MAML2: variants seen among roughly 807,000 people sequenced by gnomAD.
MAML2 encodes mastermind like transcriptional coactivator 2, also known as mastermind-like protein 2.
In MAML2, 22 loss-of-function variants were observed where a neutral mutation model predicts 96.1. That is an observed-to-expected ratio of 0.23 (90% CI 0.16 to 0.33). The LOEUF (loss-of-function observed/expected upper bound fraction) is 0.33. Ranked by LOEUF, MAML2 falls within the 10% of genes least tolerant of loss-of-function variation. The pLI is 1.00. For missense variants in MAML2, 1,367 were observed against 1,392.4 expected, an observed-to-expected ratio of 0.98 and a Z score of 0.29; for synonymous variants, 561 against 521.3, an observed-to-expected ratio of 1.08 and a Z score of -1.04.
chr11:96,193,333 C>T (rs1861683096), intron 1 of MAML2, among the ~76,000 whole-genome samples: 1 of 152,162 alleles, frequency 6.6e-6, no homozygotes, highest in Non-Finnish European at 1.5e-5. Flanking sequence ...CATGCCATTG[C>T]ACTCCAGCCT....
At chr11:96,321,488 CCTTT>C (rs1192598182) in intron 1 of MAML2, among the ~76,000 whole-genome samples, 3 of 152,196 alleles carry the variant, frequency 2.0e-5, no homozygotes, top group African/African-American at 7.2e-5. Flanking sequence ...GATATTCCTT[CCTTT>C]ATCATATTTC....
At chr11:96,221,465 C>T (rs1164241437) in intron 1 of MAML2, among the ~76,000 whole-genome samples, 1 of 152,142 alleles carries the variant, frequency 6.6e-6, no homozygotes, top group Non-Finnish European at 1.5e-5. Flanking sequence ...AACAGTGTAA[C>T]ACTGTGGAGG....
intron 1 of MAML2, among the ~76,000 whole-genome samples, chr11:96,212,643 C>T (rs1383979555): frequency 6.6e-6 from 1 of 152,134 alleles, no homozygotes; most frequent in Non-Finnish European, 1.5e-5. Context: ...CTTTCACAAT[C>T]TCTAGTAGAA....
At chr11:96,221,822 G>T (rs192532632) in intron 1 of MAML2, among the ~76,000 whole-genome samples, 1 of 151,532 alleles carries the variant, frequency 6.6e-6, no homozygotes, top group Non-Finnish European at 1.5e-5. Flanking sequence ...TGGCAGATGT[G>T]AGCAGAAGAA....
chr11:96,238,326 G>A (rs564836055), intron 1 of MAML2, among the ~76,000 whole-genome samples: 1 of 152,170 alleles, frequency 6.6e-6, no homozygotes, highest in Non-Finnish European at 1.5e-5. Flanking sequence ...ACTGAGCCAA[G>A]GTGTATCTGT....
rs191477070 is a variant in MAML2, at chr11:96,266,313, G to A, written c.513+75070C>T. On this transcript the variant is annotated intron_variant, in intron 1 of 4. Coordinates refer to ENST00000524717, the MANE Select transcript of MAML2 (RefSeq NM_032427.4). The stretch of plus-strand genomic sequence containing the variant: ...TGGCCAGGCGTGGTGGCTCACACCT[G>A]TAATCCCAGCACTTCGGGAGGTCGA... 5.9e-5 allele frequency among the ~76,000 whole-genome samples: 9 copies of A among 152,270 alleles called. No homozygotes were observed. The East Asian group carries it at 1.7e-3, about 29-fold the overall frequency.
intron 1 of MAML2, among the ~76,000 whole-genome samples, chr11:96,269,168 A>T (rs1338933166): frequency 6.9e-6 from 1 of 144,694 alleles, no homozygotes; most frequent in Non-Finnish European, 1.5e-5. Context: ...GTTGCCTGTT[A>T]TTGAAGATGA....
Position 96,155,535 on chromosome 11 carries a change from T to C in MAML2, c.514-62018A>G, listed in dbSNP as rs1267197056. Among the ~76,000 whole-genome samples, 7 of 91,338 alleles carry C rather than the reference T, an allele frequency of 7.7e-5. 1 individual carries two copies. The highest frequency in any genetic ancestry group is 9.3e-4 in the East Asian group (2 of 2,150). The allele number at this position is 91,338 out of a possible 152,430, so 59.9% of individuals were successfully genotyped here. A position where few individuals can be genotyped will look rare whatever the true frequency, so the allele number is the denominator to read the frequency against. ...ATATATATATATATATATATATATA[T>C]ATATATATATATATATGAGGAAAGT... On this transcript the variant is annotated intron_variant, in intron 1 of 4. Coordinates refer to ENST00000524717, the MANE Select transcript of MAML2 (RefSeq NM_032427.4).
At chr11:96,183,400 C>CG (rs914516375) in intron 1 of MAML2, among the ~76,000 whole-genome samples, 2 of 62,062 alleles carry the variant, frequency 3.2e-5, no homozygotes, top group African/African-American at 6.6e-5. Context: ...TCCTCCCCCC[C>CG]CCCCCTTTCT....
At chr11:96,300,750 G>T (rs1220308660) in intron 1 of MAML2, among the ~76,000 whole-genome samples, 1 of 152,316 alleles carries the variant, frequency 6.6e-6, no homozygotes, top group South Asian at 2.1e-4. Context: ...CCTCAGGGAG[G>T]ATTCATGAAC....
intron 1 of MAML2, among the ~76,000 whole-genome samples, chr11:96,180,109 A>G (rs927485073): frequency 2.0e-5 from 3 of 152,196 alleles, no homozygotes; most frequent in African/African-American, 7.2e-5. Context: ...AGAATTGCCT[A>G]AGAAGGTCAT....
intron 1 of MAML2, among the ~76,000 whole-genome samples, chr11:96,105,594 G>A (rs1178723637): frequency 1.3e-5 from 2 of 152,182 alleles, no homozygotes; most frequent in Non-Finnish European, 2.9e-5. Flanking sequence ...CTTCTTTGAT[G>A]TTCTTGGCAT....
chr11:96,098,114 G>T (rs186095183), intron 1 of MAML2, among the ~76,000 whole-genome samples: 2 of 152,298 alleles, frequency 1.3e-5, no homozygotes, highest in African/African-American at 4.8e-5. Flanking sequence ...CAGGGCAGAG[G>T]TAAAGGCATT....
intron 1 of MAML2, among the ~76,000 whole-genome samples, chr11:96,278,527 G>C (rs1180641577): frequency 6.6e-6 from 1 of 152,146 alleles, no homozygotes; most frequent in Non-Finnish European, 1.5e-5. Context: ...CATTATGATT[G>C]ACTGAGTATT....
chr11:96,060,130 G>A (rs988327478), intron 2 of MAML2, among the ~76,000 whole-genome samples: 2 of 152,172 alleles, frequency 1.3e-5, no homozygotes, highest in African/African-American at 4.8e-5. Flanking sequence ...TGTGGTAGAA[G>A]CTGTTATGGT....
chr11:96,156,914 T>C (rs1861019389), intron 1 of MAML2, among the ~76,000 whole-genome samples: 1 of 152,230 alleles, frequency 6.6e-6, no homozygotes, highest in Non-Finnish European at 1.5e-5. Context: ...GATGTTCTTT[T>C]GGCCTTGTGT....
At chr11:96,336,384 AC>A (rs1391883755) in intron 1 of MAML2, among the ~76,000 whole-genome samples, 1 of 152,186 alleles carries the variant, frequency 6.6e-6, no homozygotes, top group Admixed American at 6.5e-5. Context: ...CCTGGTTAGT[AC>A]TTTTCCTGTT....
intron 2 of MAML2, among the ~76,000 whole-genome samples, chr11:96,064,040 G>A (rs1432794812): frequency 1.3e-5 from 2 of 152,196 alleles, no homozygotes; most frequent in Admixed American, 1.3e-4. Flanking sequence ...TTGGCTGGCT[G>A]TAGGATGTTG....
At chr11:96,300,556 G>A (rs1211187891) in intron 1 of MAML2, among the ~76,000 whole-genome samples, 12 of 152,178 alleles carry the variant, frequency 7.9e-5, no homozygotes, top group South Asian at 2.1e-4. Flanking sequence ...TCTTAGGGGA[G>A]AAGCAGATTT....
Sources: gnomAD v4.1 joint callset for allele counts (sites outside exome capture counted in the v4.1 genomes callset) on GRCh38, gnomAD v4.1.1 for gene constraint, MANE v1.5 for transcripts, NCBI Gene and HGNC (gene_info 2026-07-23, HGNC 2026-07-21) for gene names.